Variants in FBXO31 observed in about 807,000 individuals in gnomAD.
FBXO31 encodes the protein F-box protein 31.
A neutral mutation model predicts 54.4 loss-of-function variants in FBXO31; 24 were observed. That is an observed-to-expected ratio of 0.44 (90% confidence interval 0.32 to 0.62). FBXO31 has a LOEUF of 0.62. Among genes scored for constraint, FBXO31 ranks in the 20% least tolerant of loss-of-function variants. FBXO31 has a pLI of 0.05. For missense variants in FBXO31, 665 were observed against 787.1 expected, an observed-to-expected ratio of 0.84 and a Z score of 1.86; for synonymous variants, 388 against 335.6, an observed-to-expected ratio of 1.16 and a Z score of -1.71.
rs1229067993 is a variant in FBXO31, at chr16:87,358,841, G to A, written c.412+1454C>T. ...AGGAGGTGGGAGGGCAGGTGTCCTG[G>A]CAGGTGAGCATCTGGGATGACCGTC... On this transcript the variant is annotated intron_variant, in intron 2 of 8. Coordinates refer to ENST00000311635, the MANE Select transcript of FBXO31 (RefSeq NM_024735.5). This position sits in a 1 kb window ranked among gnomAD's most constrained non-coding sequence, Gnocchi z 4.0. Among the ~76,000 whole-genome samples, 1 of 152,126 alleles carries A rather than the reference G, an allele frequency of 6.6e-6. No individual in the cohort carries two copies. Among genetic ancestry groups the A allele is most frequent in the African/African-American group, 2.4e-5 (1 of 41,422 alleles).
upstream of FBXO31, among the ~76,000 whole-genome samples, chr16:87,385,372 G>C (rs567620394): frequency 8.6e-5 from 13 of 151,884 alleles, no homozygotes; most frequent in East Asian, 2.3e-3. Flanking sequence ...GCAGGAGAAT[G>C]GTGTGAACCC....
At chr16:87,337,709 T>C (rs1567614330) in intron 5 of FBXO31, among the ~76,000 whole-genome samples, 1 of 152,092 alleles carries the variant, frequency 6.6e-6, no homozygotes, top group Admixed American at 6.6e-5. Context: ...AGTTGGGTTT[T>C]CATATGGAGA....
intron 1 of FBXO31, among the ~76,000 whole-genome samples, chr16:87,374,052 C>G (rs1039161080): frequency 6.6e-6 from 1 of 151,986 alleles, no homozygotes; most frequent in Non-Finnish European, 1.5e-5. Context: ...CCAGCCCGGG[C>G]AACACTGTGA....
upstream of FBXO31, chr16:87,391,915 G>A (rs995459342): frequency 2.6e-5 from 4 of 152,732 alleles, no homozygotes; most frequent in African/African-American, 9.6e-5. Flanking sequence ...GGAAAGGATG[G>A]TCGGATTTGC....
intron 1 of FBXO31, among the ~76,000 whole-genome samples, chr16:87,380,989 A>C (rs1293524184): frequency 6.6e-6 from 1 of 152,212 alleles, no homozygotes; most frequent in Non-Finnish European, 1.5e-5. Flanking sequence ...TTCCCAAACA[A>C]ACCCCCCAGA....
intron 8 of FBXO31, among the ~76,000 whole-genome samples, chr16:87,332,130 A>G (rs1904881002): frequency 6.6e-6 from 1 of 152,244 alleles, no homozygotes; most frequent in African/African-American, 2.4e-5. Flanking sequence ...CTGAGGCTCC[A>G]AAGGCCGGGG....
rs1288893775 is a variant in FBXO31 at position 87,336,189 on chromosome 16, T to C, written c.808A>G (p.Ile270Val). Residue 270 changes from isoleucine (I) to valine (V), a missense_variant, in exon 6 of 9, where the codon ATC (isoleucine) becomes GTC (valine). By Grantham distance (29) the Ile-to-Val change is conservative. Coordinates refer to ENST00000311635, the MANE Select transcript of FBXO31 (RefSeq NM_024735.5). This position sits in a 1 kb window ranked among gnomAD's most constrained non-coding sequence, Gnocchi z 6.5. Reference sequence around the variant, plus strand: ...CTGGTGTAGATGAACTTCATCAGGATGAGCTCCTGCATGTGCTCGTGGAAG... The same window carrying C: ...CTGGTGTAGATGAACTTCATCAGGACGAGCTCCTGCATGTGCTCGTGGAAG... Reference protein sequence around the residue: ...DIFHEHMQELILMKFIYTSQY... With the variant: ...DIFHEHMQELVLMKFIYTSQY... 1 of 1,609,908 alleles carries C rather than the reference T, an allele frequency of 6.2e-7. No individual in the cohort carries two copies. Among genetic ancestry groups the C allele is most frequent in the Non-Finnish European group, 8.5e-7 (1 of 1,176,150 alleles).
chr16:87,368,556 A>G lies in FBXO31; in HGVS notation c.341-8190T>C, dbSNP rs187954505. Among the ~76,000 whole-genome samples, 177 of 152,044 alleles carry G rather than the reference A, an allele frequency of 1.2e-3. 2 individuals are homozygous for G. The South Asian group carries it at 0.019, about 16-fold the overall frequency. On this transcript the variant is annotated intron_variant, in intron 1 of 8. Transcript: ENST00000311635. ...TGTGCTGCCTACCCGCTTCCAGGCA[A>G]CAGGTTCAGTGTTGCAGGCTGTTAA...
rs1477689025 is a variant in FBXO31 at position 87,346,231 on chromosome 16, C to T, written c.489+943G>A. 6.6e-6 allele frequency among the ~76,000 whole-genome samples: 1 copy of T among 152,092 alleles called. No homozygotes were observed. Among genetic ancestry groups the T allele is most frequent in the African/African-American group, 2.4e-5 (1 of 41,434 alleles). On this transcript the variant is annotated intron_variant, in intron 3 of 8. Coordinates refer to ENST00000311635, the MANE Select transcript of FBXO31 (RefSeq NM_024735.5). This position sits in a 1 kb window ranked among gnomAD's most constrained non-coding sequence, Gnocchi z 4.2. ...ACCCCGGGCCTGCGCAGAGCAGGTG[C>T]CCTGACTCCACTTTGCCCGCAGGCC...
At chr16:87,373,275 C>G (rs2150694320) in intron 1 of FBXO31, among the ~76,000 whole-genome samples, 1 of 151,804 alleles carries the variant, frequency 6.6e-6, no homozygotes, top group East Asian at 2.0e-4. Flanking sequence ...CACAGTGAAA[C>G]CCTGTCTCTA....
intron 5 of FBXO31, among the ~76,000 whole-genome samples, chr16:87,339,585 G>A (rs894034343): frequency 7.9e-5 from 12 of 152,210 alleles, no homozygotes; most frequent in African/African-American, 2.7e-4. Flanking sequence ...ACCTGGGACA[G>A]TGGCACCCTC....
chr16:87,380,686 G>A (rs1260931730), intron 1 of FBXO31, among the ~76,000 whole-genome samples: 3 of 152,316 alleles, frequency 2.0e-5, no homozygotes, highest in East Asian at 1.9e-4. Context: ...GAATTCTCAC[G>A]TTAGCAGGTC....
chr16:87,384,796 G>A (rs116703285), upstream of FBXO31, among the ~76,000 whole-genome samples: 22 of 152,336 alleles, frequency 1.4e-4, no homozygotes, highest in African/African-American at 5.1e-4. Context: ...GGAGGCCGAG[G>A]CTGTAGTGAC....
At position 87,338,553 on chromosome 16, in the gene FBXO31, T is replaced by G. The variant is rs1905100117; in HGVS notation, c.733-2289A>C. Among the ~76,000 whole-genome samples, 1 of 152,074 alleles carries G rather than the reference T, an allele frequency of 6.6e-6. No individual in the cohort carries two copies. Among genetic ancestry groups the G allele is most frequent in the Non-Finnish European group, 1.5e-5 (1 of 68,014 alleles). On this transcript the variant is annotated intron_variant, in intron 5 of 8. Coordinates refer to ENST00000311635, the MANE Select transcript of FBXO31 (RefSeq NM_024735.5). The surrounding 1 kb of genome is among the most constrained non-coding windows in gnomAD (Gnocchi z 4.3). ...GCACCCATACAGAAAAGGCCAGGTC[T>G]GGGTGGGCCCGAGCGTCCCATTTCT...
At chr16:87,343,488 C>G (rs554847086) in intron 4 of FBXO31, 110 bp downstream of exon 4, 5 of 1,349,290 alleles carry the variant, frequency 3.7e-6, no homozygotes, top group East Asian at 2.5e-5. Flanking sequence ...TCCCACCCGC[C>G]GATCTGCTAC....
Position 87,338,571 on chromosome 16 carries a change from C to T in FBXO31, c.733-2307G>A, listed in dbSNP as rs1453457369. Among the ~76,000 whole-genome samples, 1 of 152,156 alleles carries T rather than the reference C, an allele frequency of 6.6e-6. No homozygotes were observed. Among genetic ancestry groups the T allele is most frequent in the Non-Finnish European group, 1.5e-5 (1 of 68,034 alleles). Reference sequence around the variant, plus strand: ...CCAGGTCTGGGTGGGCCCGAGCGTCCCATTTCTCACAAGGACCCACGGCTG... The same window carrying T: ...CCAGGTCTGGGTGGGCCCGAGCGTCTCATTTCTCACAAGGACCCACGGCTG... On this transcript the variant is annotated intron_variant, in intron 5 of 8. Transcript: ENST00000311635. The surrounding 1 kb of genome is among the most constrained non-coding windows in gnomAD (Gnocchi z 4.3).
In FBXO31 at chr16:87,331,457, G is replaced by A. The variant is rs1445421225; in HGVS notation, c.1451C>T (p.Thr484Ile). The A allele has an allele frequency of 1.1e-5, 18 of 1,613,530 alleles. No homozygotes were observed. The highest frequency in any genetic ancestry group is 1.3e-5 in the Non-Finnish European group (15 of 1,179,880). ...AGHGFTSPER[T>I]PGVFILFDED... The stretch of plus-strand genomic sequence containing the variant: ...ATCGAAGAGGATGAAGACCCCGGGG[G>A]TGCGTTCAGGGCTGGTGAAGCCGTG... The change falls in exon 9 of 9, where the codon ACC (threonine) becomes ATC (isoleucine). Residue 484 changes from threonine to isoleucine, a missense_variant. Around this residue, in one of 4 missense-constraint regions of FBXO31, gnomAD observed 71 missense variants for 105.8 expected, o/e 0.67. Transcript: ENST00000311635.
At chr16:87,365,982 T>A (rs146740035) in intron 1 of FBXO31, among the ~76,000 whole-genome samples, 1 of 152,060 alleles carries the variant, frequency 6.6e-6, no homozygotes, top group Admixed American at 6.6e-5. Flanking sequence ...TGAGCCAAGA[T>A]TGCGCCACTG....
intron 2 of FBXO31, among the ~76,000 whole-genome samples, chr16:87,347,596 C>A (rs1176190056): frequency 6.8e-6 from 1 of 147,862 alleles, no homozygotes; most frequent in African/African-American, 2.5e-5. Context: ...AGGAGAATGG[C>A]ATGAACCTGG....
Sources: gnomAD v4.1 joint callset for allele counts (sites outside exome capture counted in the v4.1 genomes callset) on GRCh38, gnomAD v4.1.1 for gene constraint, gnomAD v4.1.1 regional missense constraint, Gnocchi (gnomAD v3.1) non-coding constraint, MANE v1.5 for transcripts, NCBI Gene and HGNC (gene_info 2026-07-23, HGNC 2026-07-21) for gene names.